NOX5: variants seen among roughly 807,000 people sequenced by gnomAD.
NOX5 encodes NADPH oxidase 5.
Under a neutral mutation model 85.7 loss-of-function variants are expected in NOX5, and 76 were observed. That is an observed-to-expected ratio of 0.89 (90% CI 0.74 to 1.07). The LOEUF is 1.07. NOX5 is among the 50% of genes least tolerant of loss of function. The pLI, the probability that NOX5 is intolerant of heterozygous loss-of-function variation, is 0.00. For missense variants in NOX5, 973 were observed against 999.5 expected (o/e 0.97, Z 0.36); for synonymous variants, 405 against 401.4 (o/e 1.01, Z -0.11).
Position 69,058,579 on chromosome 15 carries a change from A to T in NOX5, c.*1883A>T, listed in dbSNP as rs2050841846. 6.6e-6 allele frequency: 1 copy of T among 152,248 alleles called. No individual in the cohort carries two copies. The highest frequency in any genetic ancestry group is 6.5e-5 in the Admixed American group (1 of 15,280). 9.4% of individuals were successfully genotyped at this position (152,248 alleles called of 1,614,324 possible). On this transcript the variant is annotated 3_prime_UTR_variant, in exon 16 of 16. Transcript: ENST00000388866. ...GCTAATTCGGTTTGGGTGGGTGGAA[A>T]GCGGGGCTCGTGCTTGCACCAAGCC... is the stretch of plus-strand genomic sequence containing the variant.
chr15:69,037,680 T>C (rs1194624312), intron 8 of NOX5: 1 of 155,460 alleles, frequency 6.4e-6, no homozygotes, highest in African/African-American at 2.4e-5. Context: ...TTTTGAGGGA[T>C]GAATAAGAGT....
In NOX5 at chr15:69,035,937, G is replaced by C. The variant is rs779540760; in HGVS notation, c.1188+1G>C. The C allele has an allele frequency of 4.5e-5, 73 of 1,613,976 alleles. No homozygotes were observed. The highest frequency in any genetic ancestry group is 6.0e-5 in the Non-Finnish European group (71 of 1,179,898). ...CATCCGCAGGAGTGGCCACTTTGAGGTGCCCCAGTTGCTGCCCTTTTGCTT... is the reference window on the plus strand; with the variant it reads ...CATCCGCAGGAGTGGCCACTTTGAGCTGCCCCAGTTGCTGCCCTTTTGCTT... On this transcript the variant is annotated splice_donor_variant, in intron 7 of 15. Coordinates refer to ENST00000388866, the MANE Select transcript of NOX5 (RefSeq NM_024505.4). LOFTEE classifies it high-confidence loss of function.
chr15:69,054,075 G>T (rs762450148), intron 14 of NOX5, among the ~76,000 whole-genome samples: 74 of 152,072 alleles, frequency 4.9e-4, no homozygotes, highest in Non-Finnish European at 5.7e-4. Flanking sequence ...AGGGAGAGGA[G>T]AAGGATGAGG....
At chr15:69,022,307 G>T in intron 1 of NOX5, 2 of 180,702 alleles carry the variant, frequency 1.1e-5, no homozygotes, top group South Asian at 1.6e-4. Flanking sequence ...TGACCTCAAA[G>T]ACCTGAAAGC....
chr15:69,037,780 G>C (rs1234686389), intron 8 of NOX5: 1 of 152,440 alleles, frequency 6.6e-6, no homozygotes, highest in Admixed American at 6.5e-5. Context: ...TACTGTGCTT[G>C]GGGGACCACA....
chr15:69,046,833 A>C lies in NOX5; in HGVS notation c.1659A>C (p.Ile553=). 1.2e-6 allele frequency: 2 copies of C among 1,613,798 alleles called. No individual in the cohort carries two copies. Among genetic ancestry groups the C allele is most frequent in the Non-Finnish European group, 1.7e-6 (2 of 1,179,770 alleles). The part of the protein sequence containing the change: ...KSQRSSKGSE[I]LLEKHKFCNI... ...TCTACTCCCTGCAGGGCTCTGAGAT[A>C]CTTTTGGAGAAACACAAATTCTGTA... Residue 553 remains isoleucine (I), a synonymous_variant, in exon 11 of 16, where the codon ATA becomes ATC. Coordinates refer to ENST00000388866, the MANE Select transcript of NOX5 (RefSeq NM_024505.4).
At chr15:69,052,323 A>G (rs978687587) in intron 14 of NOX5, among the ~76,000 whole-genome samples, 1 of 152,178 alleles carries the variant, frequency 6.6e-6, no homozygotes, top group Middle Eastern at 3.4e-3. Context: ...TTTACTAAGC[A>G]TTTACTCTCA....
intron 1 of NOX5, among the ~76,000 whole-genome samples, chr15:69,017,906 C>T (rs536783245): frequency 5.3e-5 from 8 of 152,076 alleles, no homozygotes; most frequent in African/African-American, 1.7e-4. Context: ...CCAGCAGGCA[C>T]GAGGCACTTT....
At chr15:69,048,815 C>A in intron 13 of NOX5, 144 bp from the exon 14 acceptor site, 1 of 563,730 alleles carries the variant, frequency 1.8e-6, no homozygotes, top group Non-Finnish European at 3.2e-6. Context: ...CCTCTATGAG[C>A]CTTGATTTTT....
At chr15:69,036,562 G>T (rs1221755919) in intron 7 of NOX5, among the ~76,000 whole-genome samples, 1 of 152,142 alleles carries the variant, frequency 6.6e-6, no homozygotes, top group Non-Finnish European at 1.5e-5. Flanking sequence ...TTTGAAGTAG[G>T]AATCAGAATC....
intron 1 of NOX5, chr15:69,023,273 A>C: frequency 4.1e-6 from 1 of 244,360 alleles, no homozygotes; most frequent in Non-Finnish European, 8.0e-6. Flanking sequence ...AATTAGATCA[A>C]CTCTCAGAGG....
At chr15:69,032,525 C>T (rs1595776327) in intron 4 of NOX5, among the ~76,000 whole-genome samples, 2 of 151,830 alleles carry the variant, frequency 1.3e-5, no homozygotes, top group Non-Finnish European at 2.9e-5. Flanking sequence ...ATTCTCCTGA[C>T]TCATCCTCCC....
chr15:69,032,109 GAAGT>G (rs1373088563), intron 4 of NOX5, among the ~76,000 whole-genome samples: 1 of 152,324 alleles, frequency 6.6e-6, no homozygotes, highest in South Asian at 2.1e-4. Flanking sequence ...TACTTCGCCT[GAAGT>G]AAGTTGCCTA....
At chr15:69,042,601 G>T (rs889742118) in intron 9 of NOX5, 62 bp from the exon 10 acceptor site, 32 of 1,557,920 alleles carry the variant, frequency 2.1e-5, no homozygotes, top group Non-Finnish European at 2.8e-5. Context: ...GTGGGGTGAG[G>T]CTTGCTCCCT....
intron 3 of NOX5, chr15:69,031,193 C>T (rs2050423807): frequency 4.8e-6 from 2 of 413,542 alleles, no homozygotes; most frequent in Non-Finnish European, 8.7e-6. Flanking sequence ...AACCCACATA[C>T]AGTGTGCCTT....
At chr15:69,048,416 C>T (rs894296375) in intron 13 of NOX5, among the ~76,000 whole-genome samples, 1 of 152,024 alleles carries the variant, frequency 6.6e-6, no homozygotes, top group Non-Finnish European at 1.5e-5. Context: ...ACCTGTGGTC[C>T]CAGCTACTTG....
In NOX5 at chr15:69,014,719, C is replaced by A. The variant is rs2050210641; in HGVS notation, c.-17C>A. The A allele has an allele frequency of 4.5e-6, 7 of 1,550,424 alleles. No homozygotes were observed. Among genetic ancestry groups the A allele is most frequent in the Non-Finnish European group, 6.1e-6 (7 of 1,146,940 alleles). On this transcript the variant is annotated 5_prime_UTR_variant, in exon 1 of 16. Coordinates refer to ENST00000388866, the MANE Select transcript of NOX5 (RefSeq NM_024505.4). ...CAGCAGTCTTTCTGGGACCTGTGAT[C>A]TAGAAGACAGGAGAAGATGAACACA...
chr15:69,017,403 C>T (rs191965173), intron 1 of NOX5, among the ~76,000 whole-genome samples: 415 of 152,254 alleles, frequency 2.7e-3, no homozygotes, highest in Non-Finnish European at 4.2e-3. Flanking sequence ...CCATCTGCCT[C>T]GGCCCCCCAA....
At chr15:69,027,395 C>T (rs1280915523) in intron 2 of NOX5, among the ~76,000 whole-genome samples, 1 of 152,162 alleles carries the variant, frequency 6.6e-6, no homozygotes, top group Non-Finnish European at 1.5e-5. Context: ...GATAAAGGTA[C>T]TACCCAGGGA....
Sources: gnomAD v4.1 joint callset for allele counts (sites outside exome capture counted in the v4.1 genomes callset) on GRCh38, gnomAD v4.1.1 for gene constraint, MANE v1.5 for transcripts, NCBI Gene and HGNC (gene_info 2026-07-23, HGNC 2026-07-21) for gene names.